The following SYT1 variants were observed in gnomAD, a reference collection of about 807,000 sequenced individuals.
The protein encoded by SYT1 is synaptotagmin-1.
In SYT1, 8 loss-of-function variants were observed where a neutral mutation model predicts 44.8. That is an observed-to-expected ratio of 0.18 (90% confidence interval 0.10 to 0.32). The LOEUF (loss-of-function observed/expected upper bound fraction) is 0.32, where lower values mean the gene tolerates loss of function less well. SYT1 is among the 10% of genes least tolerant of loss of function. SYT1 has a pLI of 1.00. For synonymous variants in SYT1, 154 were observed against 188.8 expected (o/e 0.82, Z 1.51); for missense variants, 286 against 509.3 (o/e 0.56, Z 4.22).
At chr12:79,215,918 CTTTTTTTT>C (rs71091653) in intron 3 of SYT1, among the ~76,000 whole-genome samples, 62 of 76,788 alleles carry the variant, frequency 8.1e-4, no homozygotes, top group African/African-American at 2.9e-3. Context: ...GCATTTCTTT[CTTTTTTTT>C]TTTTTTTTTT....
chr12:79,180,455 C>A (rs1031987356), intron 3 of SYT1, among the ~76,000 whole-genome samples: 1 of 128,118 alleles, frequency 7.8e-6, no homozygotes, highest in African/African-American at 3.0e-5. Context: ...AAAGAAGTAT[C>A]TGAGACTGGT....
chr12:79,291,953 T>A (rs760487735), intron 5 of SYT1, 55 bp from the exon 6 acceptor site: 228 of 1,609,286 alleles, frequency 1.4e-4, no homozygotes, highest in Middle Eastern at 3.3e-4. Flanking sequence ...CCCAGTTCAA[T>A]TTGAGTTTTG....
chr12:79,050,318 G>T (rs1469096869), intron 3 of SYT1, among the ~76,000 whole-genome samples: 1 of 150,562 alleles, frequency 6.6e-6, no homozygotes, highest in African/African-American at 2.5e-5. Flanking sequence ...GGAGGAGAAG[G>T]AAGAGGAGGG....
intron 9 of SYT1, among the ~76,000 whole-genome samples, chr12:79,379,963 A>G (rs1198459866): frequency 6.6e-6 from 1 of 152,138 alleles, no homozygotes; most frequent in Non-Finnish European, 1.5e-5. Flanking sequence ...AACTGAACCA[A>G]TCATCTAACC....
At chr12:79,124,321 T>C (rs560168458) in intron 3 of SYT1, among the ~76,000 whole-genome samples, 5 of 150,858 alleles carry the variant, frequency 3.3e-5, no homozygotes, top group African/African-American at 1.2e-4. Flanking sequence ...ACTTTCTTGC[T>C]GTATGATCTT....
intron 4 of SYT1, among the ~76,000 whole-genome samples, chr12:79,274,856 G>A (rs1260779677): frequency 8.5e-5 from 13 of 152,196 alleles, no homozygotes; most frequent in Admixed American, 5.9e-4. Context: ...AATTGAGAAA[G>A]CCACCACACT....
chr12:78,970,977 C>G (rs1015790218), intron 1 of SYT1, among the ~76,000 whole-genome samples: 1 of 152,016 alleles, frequency 6.6e-6, no homozygotes, highest in Admixed American at 6.6e-5. Context: ...GGTGAAACTC[C>G]ATCTCTAATA....
At chr12:79,430,777 C>G (rs896888889) in intron 9 of SYT1, among the ~76,000 whole-genome samples, 2 of 152,192 alleles carry the variant, frequency 1.3e-5, no homozygotes, top group African/African-American at 4.8e-5. Context: ...CAGAGCAAGA[C>G]TCTTGTCTCA....
At chr12:79,150,670 G>A (rs1870217227) in intron 3 of SYT1, among the ~76,000 whole-genome samples, 1 of 152,184 alleles carries the variant, frequency 6.6e-6, no homozygotes, top group South Asian at 2.1e-4. Flanking sequence ...ATGCCAAGGT[G>A]CAGAGGTGAG....
intron 3 of SYT1, among the ~76,000 whole-genome samples, chr12:79,127,269 C>T (rs1868499107): frequency 6.6e-6 from 1 of 152,232 alleles, no homozygotes; most frequent in East Asian, 1.9e-4. Context: ...TTCTAACATT[C>T]CAAAAATAAA....
intron 3 of SYT1, among the ~76,000 whole-genome samples, chr12:79,060,249 C>T (rs966206269): frequency 3.3e-5 from 5 of 151,888 alleles, no homozygotes; most frequent in South Asian, 2.1e-4. Flanking sequence ...ACAAAACCTA[C>T]GTCCCTGTAA....
intron 3 of SYT1, among the ~76,000 whole-genome samples, chr12:79,066,651 A>G (rs996684150): frequency 3.9e-5 from 6 of 152,166 alleles, no homozygotes; most frequent in Admixed American, 1.3e-4. Flanking sequence ...GATAATTAAT[A>G]ATTAGTGCCT....
intron 2 of SYT1, among the ~76,000 whole-genome samples, chr12:78,988,059 C>A (rs61928074): frequency 3.3e-5 from 5 of 151,908 alleles, no homozygotes; most frequent in Admixed American, 3.3e-4. Flanking sequence ...GTTGATTCTA[C>A]GTGGTCAAGA....
At chr12:79,028,587 C>G (rs936730306) in intron 2 of SYT1, among the ~76,000 whole-genome samples, 1 of 151,128 alleles carries the variant, frequency 6.6e-6, no homozygotes, top group African/African-American at 2.4e-5. Flanking sequence ...GTTGGATAAA[C>G]AAAAATTTGA....
Position 79,229,582 on chromosome 12 carries a change from T to G in SYT1, c.166+11897T>G, listed in dbSNP as rs149974648. On this transcript the variant is annotated intron_variant, in intron 4 of 10. Coordinates refer to ENST00000261205, the MANE Select transcript of SYT1 (RefSeq NM_005639.3). ...GAAAGTTCACCTAAAGCAGTAGGGT[T>G]TTTTTTATTTTTTATTTTTTTATTT... Among the ~76,000 whole-genome samples, 688 of 127,414 alleles carry G rather than the reference T, an allele frequency of 5.4e-3. 3 individuals are homozygous for G. The highest frequency in any genetic ancestry group is 8.3e-3 in the Middle Eastern group (2 of 242). The allele number at this position is 127,414 out of a possible 152,430, so 83.6% of individuals were successfully genotyped here.
chr12:79,148,104 A>T (rs927170710), intron 3 of SYT1, among the ~76,000 whole-genome samples: 1 of 152,224 alleles, frequency 6.6e-6, no homozygotes, highest in Non-Finnish European at 1.5e-5. Context: ...TCATTTAGGC[A>T]TGCAGTGCTG....
chr12:79,441,352 G>A (rs539392588), intron 9 of SYT1, among the ~76,000 whole-genome samples: 56 of 152,190 alleles, frequency 3.7e-4, no homozygotes, highest in African/African-American at 1.3e-3. Flanking sequence ...TTCTGCCTCT[G>A]TTGCCCAGGC....
intron 3 of SYT1, among the ~76,000 whole-genome samples, chr12:79,156,336 G>A (rs187029643): frequency 6.6e-6 from 1 of 152,102 alleles, no homozygotes; most frequent in Non-Finnish European, 1.5e-5. Context: ...TAAATTATCT[G>A]TGTATGTGTG....
chr12:79,447,211 T>C (rs1388290129), intron 10 of SYT1, among the ~76,000 whole-genome samples: 1 of 145,202 alleles, frequency 6.9e-6, no homozygotes, highest in South Asian at 2.2e-4. Flanking sequence ...CACTTTGTTC[T>C]TTTTTTTTTC....
Sources: gnomAD v4.1 joint callset for allele counts (sites outside exome capture counted in the v4.1 genomes callset) on GRCh38, gnomAD v4.1.1 for gene constraint, MANE v1.5 for transcripts, NCBI Gene and HGNC (gene_info 2026-07-23, HGNC 2026-07-21) for gene names.